The following CEP63 variants were observed in gnomAD, a reference collection of about 807,000 sequenced individuals.
The protein encoded by CEP63 is centrosomal protein of 63 kDa.
A neutral mutation model predicts 89.1 loss-of-function variants in CEP63; 84 were observed. The ratio of observed to expected loss-of-function variants is 0.94; its 90% CI spans 0.79 to 1.13. The LOEUF is 1.13. Ranked by LOEUF, CEP63 falls within the 50% of genes most tolerant of loss-of-function variation. The pLI is 0.00. For synonymous variants in CEP63, 267 were observed against 272.5 expected (o/e 0.98, Z 0.20); for missense variants, 838 against 813.3 (o/e 1.03, Z -0.37).
chr3:134,764,592 C>T, the CEP63 span, among the ~76,000 whole-genome samples: 5 of 152,326 alleles, frequency 3.3e-5, no homozygotes, highest in East Asian at 1.9e-4. Context: ...AGCTTGCTCA[C>T]TGGACCCTGC....
At chr3:134,733,759 G>A in the CEP63 span, among the ~76,000 whole-genome samples, 1 of 150,640 alleles carries the variant, frequency 6.6e-6, no homozygotes, top group Non-Finnish European at 1.5e-5. Context: ...GATTTCAGAG[G>A]GATCCTGGCC....
chr3:134,666,160 T>A, the CEP63 span, among the ~76,000 whole-genome samples: 557 of 152,232 alleles, frequency 3.7e-3, 2 homozygotes, highest in African/African-American at 0.013. Flanking sequence ...AGCTCTCTGA[T>A]GGAAGGAGGA....
chr3:134,723,740 C>T, the CEP63 span, among the ~76,000 whole-genome samples: 8 of 152,158 alleles, frequency 5.3e-5, no homozygotes, highest in Non-Finnish European at 8.8e-5. Context: ...CTTGGAGCAG[C>T]TCTCACCTCT....
At chr3:134,684,670 C>A in the CEP63 span, among the ~76,000 whole-genome samples, 1 of 152,232 alleles carries the variant, frequency 6.6e-6, no homozygotes, top group Non-Finnish European at 1.5e-5. Context: ...CTGGTTTGTG[C>A]CCATCTGTTG....
intron 3 of CEP63, among the ~76,000 whole-genome samples, chr3:134,528,569 C>CGTGTGTGTGTGTGTGTGT (rs34415967): frequency 0.021 from 3,059 of 147,090 alleles, 31 homozygotes; most frequent in Non-Finnish European, 0.032. Flanking sequence ...TGTGTGTGTG[C>CGTGTGTGTGTGTGTGTGT]GTGTGTGTGT....
the CEP63 span, among the ~76,000 whole-genome samples, chr3:134,614,073 G>C: frequency 6.6e-6 from 1 of 152,192 alleles, no homozygotes; most frequent in Non-Finnish European, 1.5e-5. Context: ...TGGAAGGAGG[G>C]TGGATATGGG....
chr3:134,707,672 T>A, the CEP63 span, among the ~76,000 whole-genome samples: 16 of 152,002 alleles, frequency 1.1e-4, no homozygotes, highest in African/African-American at 3.1e-4. Flanking sequence ...CAGTGCAGGC[T>A]TCTCCTCAGT....
the CEP63 span, chr3:134,643,236 T>G: frequency 8.6e-6 from 12 of 1,397,846 alleles, no homozygotes; most frequent in Non-Finnish European, 1.1e-5. Flanking sequence ...GAGCTCCACA[T>G]CCTGGGCTGT....
the CEP63 span, among the ~76,000 whole-genome samples, chr3:134,612,751 CTGTGTGTGTGTGTGTG>C: frequency 4.2e-4 from 53 of 125,484 alleles, no homozygotes; most frequent in East Asian, 3.8e-3. Flanking sequence ...CACGCCGATG[CTGTGTGTGTGTGTGTG>C]TGTGTGTGTG....
exon 11 of CEP63, among the ~76,000 whole-genome samples, chr3:134,587,643 T>A (rs1035499185): frequency 9.2e-5 from 14 of 152,242 alleles, no homozygotes; most frequent in African/African-American, 3.4e-4. Flanking sequence ...TCTGTTAGGC[T>A]ACACAGGGGT....
chr3:134,606,151 C>G, the CEP63 span, among the ~76,000 whole-genome samples: 5 of 152,170 alleles, frequency 3.3e-5, no homozygotes, highest in Non-Finnish European at 5.9e-5. Flanking sequence ...GGCCCCTGGT[C>G]CTGTTCCATC....
At chr3:134,527,942 C>T (rs1351032930) in intron 3 of CEP63, among the ~76,000 whole-genome samples, 1 of 152,148 alleles carries the variant, frequency 6.6e-6, no homozygotes, top group Admixed American at 6.5e-5. Flanking sequence ...GGATGGCTAT[C>T]CCTGGCCATG....
In CEP63 at chr3:134,545,631, T is replaced by C. The variant is rs1559999756; in HGVS notation, c.601T>C (p.Ser201Pro). The stretch of plus-strand genomic sequence containing the variant: ...ACAGAAATTAGAGTCTGTGGAACTT[T>C]CTAGCCAATCAGAAATTCAACACTT... ...RKQKLESVEL[S>P]SQSEIQHLSS... The change falls in exon 7 of 15, where the codon TCT becomes CCT. Residue 201 changes from serine (S) to proline (P), a missense_variant. Ser to Pro is a moderately conservative substitution (Grantham distance 74, BLOSUM62 -1). Coordinates refer to ENST00000675561, the MANE Select transcript of CEP63 (RefSeq NM_001353108.3). 23 of 1,614,046 alleles carry C rather than the reference T, an allele frequency of 1.4e-5. No individual in the cohort carries two copies. The highest frequency in any genetic ancestry group is 1.8e-5 in the Non-Finnish European group (21 of 1,180,018).
At chr3:134,739,296 T>A in the CEP63 span, among the ~76,000 whole-genome samples, 3 of 152,186 alleles carry the variant, frequency 2.0e-5, no homozygotes, top group Non-Finnish European at 4.4e-5. Context: ...AAAGAATTAT[T>A]GAGGATGTGG....
chr3:134,603,701 C>T, the CEP63 span: 5 of 1,613,918 alleles, frequency 3.1e-6, no homozygotes, highest in African/African-American at 1.3e-5. Flanking sequence ...CAGTAGCCCT[C>T]GTGGTTCAGG....
At chr3:134,780,532 T>C in the CEP63 span, 2 of 152,340 alleles carry the variant, frequency 1.3e-5, no homozygotes, top group East Asian at 3.9e-4. Context: ...GGTATAAAAA[T>C]ATGGAGTGCT....
At chr3:134,671,255 A>G in the CEP63 span, among the ~76,000 whole-genome samples, 1 of 152,370 alleles carries the variant, frequency 6.6e-6, no homozygotes, top group East Asian at 1.9e-4. Flanking sequence ...AATACTGCAT[A>G]TTCTCACTTA....
chr3:134,490,103 G>A (rs1480658404), intron 1 of CEP63, among the ~76,000 whole-genome samples: 20 of 152,062 alleles, frequency 1.3e-4, no homozygotes, highest in Admixed American at 1.3e-3. Context: ...TCTTACCTAG[G>A]TGGGAGAGGT....
the CEP63 span, among the ~76,000 whole-genome samples, chr3:134,652,451 C>A: frequency 5.3e-5 from 8 of 150,742 alleles, no homozygotes; most frequent in Non-Finnish European, 8.8e-5. Context: ...AGCGCCCCCC[C>A]CCACCACCCC....
Sources: gnomAD v4.1 joint callset for allele counts (sites outside exome capture counted in the v4.1 genomes callset) on GRCh38, gnomAD v4.1.1 for gene constraint, MANE v1.5 for transcripts, NCBI Gene and HGNC (gene_info 2026-07-23, HGNC 2026-07-21) for gene names.